Variants in BRIP1 observed in about 807,000 individuals in gnomAD.
The protein encoded by BRIP1 is BRCA1 interacting DNA helicase 1.
A neutral mutation model predicts 119.7 loss-of-function variants in BRIP1; 88 were observed. The observed-to-expected ratio is 0.74, with a 90% CI of 0.62 to 0.88. BRIP1 has a LOEUF of 0.88. Among genes scored for constraint, BRIP1 ranks in the 40% least tolerant of loss-of-function variants. The pLI, the probability that BRIP1 is intolerant of heterozygous loss-of-function variation, is 0.00. For missense variants in BRIP1, 1,259 were observed against 1,455.4 expected (o/e 0.87, Z 2.20); for synonymous variants, 443 against 496.5 (o/e 0.89, Z 1.43).
In BRIP1 at chr17:61,740,870, G is replaced by A. The variant is rs987623023; in HGVS notation, c.2379+2143C>T. On this transcript the variant is annotated intron_variant, in intron 16 of 19. Coordinates refer to ENST00000259008, the MANE Select transcript of BRIP1 (RefSeq NM_032043.3). This position sits in a 1 kb window ranked among gnomAD's most constrained non-coding sequence, Gnocchi z 5.4. ...ATGACTGCTGACTGATCAGGGTGGT[G>A]GTTGCTAACGTTGGAGTGGCTGTGG... Among the ~76,000 whole-genome samples the A allele has an allele frequency of 6.6e-6, 1 of 152,176 alleles. No homozygotes were observed. Among genetic ancestry groups the A allele is most frequent in the Non-Finnish European group, 1.5e-5 (1 of 68,022 alleles).
Position 61,827,821 on chromosome 17 carries a change from A to G in BRIP1, c.628-19064T>C, listed in dbSNP as rs2145592452. On this transcript the variant is annotated intron_variant, in intron 6 of 19. Coordinates refer to ENST00000259008, the MANE Select transcript of BRIP1 (RefSeq NM_032043.3). The surrounding 1 kb of genome is among the most constrained non-coding windows in gnomAD (Gnocchi z 5.8). Reference sequence around the variant, plus strand: ...GAAAAGATGCTCAACATCACTAATCATTAGGGAAATGCAAATCAAAAACAC... The same window carrying G: ...GAAAAGATGCTCAACATCACTAATCGTTAGGGAAATGCAAATCAAAAACAC... 6.6e-6 allele frequency among the ~76,000 whole-genome samples: 1 copy of G among 152,352 alleles called. No individual in the cohort carries two copies. Among genetic ancestry groups the G allele is most frequent in the Non-Finnish European group, 1.5e-5 (1 of 68,030 alleles).
rs779300574 is a variant in BRIP1, at chr17:61,799,797, T to C, written c.1141-498A>G. ...ACTCTTAAAATACTAACATAATATA[T>C]ATGTTTTGTTTTAATCTGTCCTGCA... On this transcript the variant is annotated intron_variant, in intron 8 of 19. Transcript: ENST00000259008. The surrounding 1 kb of genome is among the most constrained non-coding windows in gnomAD (Gnocchi z 5.1). Among the ~76,000 whole-genome samples the C allele has an allele frequency of 6.6e-6, 1 of 151,962 alleles. No homozygotes were observed. Among genetic ancestry groups the C allele is most frequent in the Non-Finnish European group, 1.5e-5 (1 of 67,998 alleles).
rs527335842 is a variant in BRIP1, at chr17:61,702,522, T to C, written c.2493-9010A>G. On this transcript the variant is annotated intron_variant, in intron 17 of 19. Transcript: ENST00000259008. ...CCCTTCTCTGTCCACATATACTCAA[T>C]GTTTAGCTCCCGTGTATAAGTGAGA... Among the ~76,000 whole-genome samples the C allele has an allele frequency of 5.9e-5, 9 of 152,318 alleles. No homozygotes were observed. The South Asian group carries it at 8.3e-4, about 14-fold the overall frequency.
At chr17:61,854,143 C>T (rs2078861144) in intron 4 of BRIP1, among the ~76,000 whole-genome samples, 1 of 152,040 alleles carries the variant, frequency 6.6e-6, no homozygotes, top group Non-Finnish European at 1.5e-5. Context: ...GTGGTGCATG[C>T]CAGTAGTCTC....
rs968394227 is a variant in BRIP1, at chr17:61,804,740, T to G, written c.919-3266A>C. 6.6e-6 allele frequency among the ~76,000 whole-genome samples: 1 copy of G among 151,804 alleles called. No homozygotes were observed. Among genetic ancestry groups the G allele is most frequent in the Non-Finnish European group, 1.5e-5 (1 of 67,958 alleles). ...CCATATATATATATTCAAAATATTT[T>G]TGTCTAATAATTATTAAAATTATAA... On this transcript the variant is annotated intron_variant, in intron 7 of 19. Transcript: ENST00000259008. This position sits in a 1 kb window ranked among gnomAD's most constrained non-coding sequence, Gnocchi z 4.5.
At position 61,680,981 on chromosome 17, in the gene BRIP1, A is replaced by G. The variant is rs538227266; in HGVS notation, c.*2315T>C. 2.6e-5 allele frequency among the ~76,000 whole-genome samples: 4 copies of G among 152,316 alleles called. No individual in the cohort carries two copies. Among genetic ancestry groups the G allele is most frequent in the African/African-American group, 9.6e-5 (4 of 41,564 alleles). On this transcript the variant is annotated 3_prime_UTR_variant, in exon 20 of 20. Transcript: ENST00000259008. ...AGTTCTGCATGACTGAGGAGGCCTC[A>G]AGAAACTTACAATCATGGCGGAAGG...
At position 61,809,819 on chromosome 17, in the gene BRIP1, G is replaced by GC. The variant is rs1555609575; in HGVS notation, c.628-1063_628-1062insG. Among the ~76,000 whole-genome samples the GC allele has an allele frequency of 1.3e-5, 2 of 151,274 alleles. No homozygotes were observed. The highest frequency in any genetic ancestry group is 3.0e-5 in the Non-Finnish European group (2 of 67,736). On this transcript the variant is annotated intron_variant, in intron 6 of 19. Coordinates refer to ENST00000259008, the MANE Select transcript of BRIP1 (RefSeq NM_032043.3). The surrounding 1 kb of genome is among the most constrained non-coding windows in gnomAD (Gnocchi z 5.2). Reference sequence around the variant, plus strand: ...AGTAGAACAAACACTCTACTTGACTGTTTTTTTTTATTATTGTAATCAGTA... The same window carrying GC: ...AGTAGAACAAACACTCTACTTGACTGCTTTTTTTTTATTATTGTAATCAGTA...
chr17:61,822,991 C>T lies in BRIP1; in HGVS notation c.628-14234G>A, dbSNP rs1172055752. Among the ~76,000 whole-genome samples, 1 of 152,148 alleles carries T rather than the reference C, an allele frequency of 6.6e-6. No homozygotes were observed. Among genetic ancestry groups the T allele is most frequent in the African/African-American group, 2.4e-5 (1 of 41,442 alleles). On this transcript the variant is annotated intron_variant, in intron 6 of 19. Transcript: ENST00000259008. This position sits in a 1 kb window ranked among gnomAD's most constrained non-coding sequence, Gnocchi z 4.4. The stretch of plus-strand genomic sequence containing the variant: ...CAGGATGGTGACTGCTTCTCCTACT[C>T]CAGATTCACTGAGTAACAAGGAGAA...
chr17:61,852,074 A>G lies in BRIP1; in HGVS notation c.380-2818T>C, dbSNP rs1199475082. Among the ~76,000 whole-genome samples the G allele has an allele frequency of 6.6e-6, 1 of 152,222 alleles. No homozygotes were observed. Among genetic ancestry groups the G allele is most frequent in the Admixed American group, 6.5e-5 (1 of 15,286 alleles). On this transcript the variant is annotated intron_variant, in intron 4 of 19. Transcript: ENST00000259008. The surrounding 1 kb of genome is among the most constrained non-coding windows in gnomAD (Gnocchi z 4.9). ...CCACTGTGGAGAAACTCTGTCCCAA[A>G]TAAATACGGGGCAAACTGACATGGG...
rs1319140076 is a variant in BRIP1 at position 61,719,606 on chromosome 17, T to A, written c.2380-3543A>T. ...CAGGTGTGGTGGCAGGCGCCTGTAG[T>A]CCCAGCTACTCGGGAGGCTGAGGCA... On this transcript the variant is annotated intron_variant, in intron 16 of 19. Transcript: ENST00000259008. Among the ~76,000 whole-genome samples the A allele has an allele frequency of 2.0e-5, 3 of 151,552 alleles. No homozygotes were observed. The East Asian group carries it at 5.8e-4, about 30-fold the overall frequency.
rs869312763 is a variant in BRIP1 at position 61,686,167 on chromosome 17, T to C, written c.2576-2A>G. On this transcript the variant is annotated splice_acceptor_variant, in intron 18 of 19. Transcript: ENST00000259008. LOFTEE classifies it high-confidence loss of function. The surrounding 1 kb of genome is among the most constrained non-coding windows in gnomAD (Gnocchi z 5.4). ...GCTGCCGTACCCATTTAGAAAGTCC[T>C]AAAGAAAAAGGTAAACCCAGGGAAA... 2 of 1,613,916 alleles carry C rather than the reference T, an allele frequency of 1.2e-6. No individual in the cohort carries two copies. The highest frequency in any genetic ancestry group is 1.7e-6 in the Non-Finnish European group (2 of 1,179,842).
Position 61,691,283 on chromosome 17 carries a change from A to G in BRIP1, c.2575+2147T>C, listed in dbSNP as rs2061443960. On this transcript the variant is annotated intron_variant, in intron 18 of 19. Coordinates refer to ENST00000259008, the MANE Select transcript of BRIP1 (RefSeq NM_032043.3). This position sits in a 1 kb window ranked among gnomAD's most constrained non-coding sequence, Gnocchi z 5.0. ...AAAAAACTCAAACCAGGGAAAAAAA[A>G]TAGCATCAAAAATAATAAAATACCT... 6.6e-6 allele frequency among the ~76,000 whole-genome samples: 1 copy of G among 151,992 alleles called. No individual in the cohort carries two copies. Among genetic ancestry groups the G allele is most frequent in the African/African-American group, 2.4e-5 (1 of 41,428 alleles).
intron 16 of BRIP1, among the ~76,000 whole-genome samples, chr17:61,719,966 C>A (rs932351251): frequency 1.3e-5 from 2 of 151,950 alleles, no homozygotes; most frequent in Admixed American, 1.3e-4. Flanking sequence ...GTAGGTTGGA[C>A]TACAGGTGTG....
Position 61,680,079 on chromosome 17 carries a change from A to G in BRIP1, c.*3217T>C, listed in dbSNP as rs1311735659. Among the ~76,000 whole-genome samples the G allele has an allele frequency of 6.6e-6, 1 of 151,942 alleles. No homozygotes were observed. Among genetic ancestry groups the G allele is most frequent in the African/African-American group, 2.4e-5 (1 of 41,336 alleles). ...ATATCTAGGCCAGGCATGGTGGCTC[A>G]CGCCTGTAATCCCAACACTTTGGGA... On this transcript the variant is annotated 3_prime_UTR_variant, in exon 20 of 20. Coordinates refer to ENST00000259008, the MANE Select transcript of BRIP1 (RefSeq NM_032043.3).
chr17:61,800,659 G>A (rs1225019625), intron 8 of BRIP1, among the ~76,000 whole-genome samples: 2 of 152,162 alleles, frequency 1.3e-5, no homozygotes, highest in Non-Finnish European at 2.9e-5. Flanking sequence ...AGAAGGAAGA[G>A]ATCTAGTTAA....
chr17:61,837,515 T>C (rs2078592809), intron 6 of BRIP1, among the ~76,000 whole-genome samples: 1 of 152,052 alleles, frequency 6.6e-6, no homozygotes, highest in Admixed American at 6.6e-5. Flanking sequence ...TTAATTAAAG[T>C]ATATAAAGAA....
At chr17:61,685,138 A>G (rs541134763) in intron 19 of BRIP1, 6 of 152,372 alleles carry the variant, frequency 3.9e-5, no homozygotes, top group East Asian at 3.9e-4. Context: ...CGACTACTCA[A>G]TTATGCTGTT....
chr17:61,772,175 A>ATATATT (rs2077460818), intron 14 of BRIP1, among the ~76,000 whole-genome samples: 1 of 62,166 alleles, frequency 1.6e-5, no homozygotes, highest in Non-Finnish European at 3.2e-5. Context: ...ATATATATAT[A>ATATATT]TATATATATA....
At position 61,739,896 on chromosome 17, in the gene BRIP1, G is replaced by T. The variant is rs187257768; in HGVS notation, c.2379+3117C>A. Among the ~76,000 whole-genome samples, 1 of 152,202 alleles carries T rather than the reference G, an allele frequency of 6.6e-6. No homozygotes were observed. The highest frequency in any genetic ancestry group is 1.5e-5 in the Non-Finnish European group (1 of 67,990). ...ATTACTATAGTTTTTCAAATATATT[G>T]TTTAGGAAACAGTCAGTGATAATGA... On this transcript the variant is annotated intron_variant, in intron 16 of 19. Transcript: ENST00000259008. The surrounding 1 kb of genome is among the most constrained non-coding windows in gnomAD (Gnocchi z 6.0).
Sources: allele counts gnomAD v4.1 joint callset (sites outside exome capture counted in the v4.1 genomes callset), GRCh38; gene constraint gnomAD v4.1.1; non-coding constraint Gnocchi (gnomAD v3.1); transcripts MANE v1.5; gene names NCBI Gene and HGNC (gene_info 2026-07-23, HGNC 2026-07-21).